The following NBAS variants were observed in gnomAD, a reference collection of about 807,000 sequenced individuals.
NBAS encodes the protein NBAS subunit of NRZ tethering complex.
NBAS carries 219 observed loss-of-function variants against 302.5 expected under a neutral mutation model. The observed-to-expected ratio is 0.72, with a 90% confidence interval of 0.65 to 0.81. The LOEUF (loss-of-function observed/expected upper bound fraction) is 0.81. Among genes scored for constraint, NBAS ranks in the 30% least tolerant of loss-of-function variants. The pLI is 0.00. For missense variants in NBAS, 2,932 were observed against 2,841.6 expected (o/e 1.03, Z -0.72); for synonymous variants, 1,118 against 1,021.6 (o/e 1.09, Z -1.80).
At chr2:14,972,316 G>C in the NBAS span, among the ~76,000 whole-genome samples, 25 of 152,104 alleles carry the variant, frequency 1.6e-4, 1 homozygote, top group South Asian at 3.7e-3. Context: ...GAGGTGAGGG[G>C]AGGGGACTTA....
intron 21 of NBAS, among the ~76,000 whole-genome samples, chr2:15,433,507 T>C (rs1677862084): frequency 6.6e-6 from 1 of 152,196 alleles, no homozygotes; most frequent in Admixed American, 6.6e-5. Flanking sequence ...ATCATATTAA[T>C]AATTATATCA....
At chr2:14,944,672 A>G in the NBAS span, among the ~76,000 whole-genome samples, 86 of 152,250 alleles carry the variant, frequency 5.6e-4, no homozygotes, top group African/African-American at 2.0e-3. Context: ...ATCACCAGCA[A>G]TCTTTCAAAA....
intron 40 of NBAS, among the ~76,000 whole-genome samples, chr2:15,293,233 C>T (rs1388144402): frequency 6.6e-6 from 1 of 152,106 alleles, no homozygotes; most frequent in South Asian, 2.1e-4. Flanking sequence ...CTATAAATGG[C>T]TAGACCCCTG....
At chr2:15,176,555 G>A (rs1664551362) in intron 51 of NBAS, among the ~76,000 whole-genome samples, 1 of 152,142 alleles carries the variant, frequency 6.6e-6, no homozygotes, top group African/African-American at 2.4e-5. Flanking sequence ...CAGCAACCGG[G>A]TCATAATATT....
the NBAS span, among the ~76,000 whole-genome samples, chr2:15,034,021 GAA>G: frequency 0.11 from 5,390 of 47,008 alleles, 341 homozygotes; most frequent in African/African-American, 0.13. Flanking sequence ...AGAAGAAGAA[GAA>G]GAAGAGGAGG....
At position 15,356,381 on chromosome 2, in the gene NBAS, T is replaced by G. The variant is rs776384744; in HGVS notation, c.3853A>C (p.Ile1285Leu). ...NPEERRGQVL[I>L]LLVEQALRFH... ...CGAAGTGCCTGCTCCACTAAAAGGA[T>G]TAGAACCTGTCCCCGCCTTTCTTCT... Residue 1285 changes from isoleucine (I) to leucine (L), a missense_variant, in exon 33 of 52, where the codon ATC becomes CTC. Physicochemically the swap from Ile to Leu is conservative, Grantham distance 5. Coordinates refer to ENST00000281513, the MANE Select transcript of NBAS (RefSeq NM_015909.4). 1.2e-6 allele frequency: 2 copies of G among 1,613,886 alleles called. No individual in the cohort carries two copies. The highest frequency in any genetic ancestry group is 1.7e-6 in the Non-Finnish European group (2 of 1,179,806).
At chr2:15,034,274 AAGAG>A in the NBAS span, among the ~76,000 whole-genome samples, 11,727 of 104,984 alleles carry the variant, frequency 0.11, 1,415 homozygotes, top group African/African-American at 0.13. Flanking sequence ...GAAAGAAAGA[AAGAG>A]AGAAAGAAAG....
chr2:15,176,883 A>G (rs1664567323), intron 51 of NBAS, among the ~76,000 whole-genome samples: 1 of 152,218 alleles, frequency 6.6e-6, no homozygotes, highest in African/African-American at 2.4e-5. Flanking sequence ...CTGAACGTGA[A>G]TTTAAAATTA....
chr2:14,788,221 G>T, the NBAS span, among the ~76,000 whole-genome samples: 4 of 152,106 alleles, frequency 2.6e-5, no homozygotes, highest in Non-Finnish European at 4.4e-5. Flanking sequence ...TTATACATTC[G>T]TCTAAATTTT....
chr2:15,295,883 T>C (rs182376029), intron 40 of NBAS, among the ~76,000 whole-genome samples: 1 of 150,260 alleles, frequency 6.7e-6, no homozygotes, highest in East Asian at 2.0e-4. Context: ...TCCTCACTTA[T>C]AAAAGAATGT....
At chr2:15,310,868 C>T (rs1671241612) in intron 38 of NBAS, among the ~76,000 whole-genome samples, 2 of 152,134 alleles carry the variant, frequency 1.3e-5, no homozygotes. Context: ...TGTGTCTTAC[C>T]AATACCCAGA....
At chr2:14,913,163 T>G in the NBAS span, among the ~76,000 whole-genome samples, 4 of 152,204 alleles carry the variant, frequency 2.6e-5, no homozygotes, top group Admixed American at 2.6e-4. Flanking sequence ...GCCTTCTGTG[T>G]GTCAGGGGCT....
At chr2:15,234,356 C>A (rs1057125661) in intron 46 of NBAS, among the ~76,000 whole-genome samples, 189 bp downstream of exon 46, 4 of 152,158 alleles carry the variant, frequency 2.6e-5, no homozygotes, top group Non-Finnish European at 5.9e-5. Context: ...ATACACAATA[C>A]CAACAATGAA....
At chr2:15,503,767 A>C (rs1661699056) in intron 11 of NBAS, among the ~76,000 whole-genome samples, 1 of 152,194 alleles carries the variant, frequency 6.6e-6, no homozygotes, top group Non-Finnish European at 1.5e-5. Context: ...AATTTTTTTT[A>C]ATATTAAGCC....
At chr2:14,945,383 C>A in the NBAS span, among the ~76,000 whole-genome samples, 43 of 152,216 alleles carry the variant, frequency 2.8e-4, no homozygotes, top group African/African-American at 1.0e-3. Context: ...AGACACAGAC[C>A]TACATCACAG....
At chr2:15,127,595 T>C in the NBAS span, among the ~76,000 whole-genome samples, 3 of 152,236 alleles carry the variant, frequency 2.0e-5, no homozygotes, top group Non-Finnish European at 4.4e-5. Flanking sequence ...TCCTCGATAT[T>C]AAGGCTGTTC....
At chr2:14,982,986 T>C in the NBAS span, among the ~76,000 whole-genome samples, 1 of 151,492 alleles carries the variant, frequency 6.6e-6, no homozygotes, top group African/African-American at 2.4e-5. Flanking sequence ...ACGGGAGGAG[T>C]AGGTCACGGT....
chr2:15,294,282 G>T (rs1392103417), intron 40 of NBAS, among the ~76,000 whole-genome samples: 1 of 152,098 alleles, frequency 6.6e-6, no homozygotes, highest in African/African-American at 2.4e-5. Context: ...AATAACGAGG[G>T]CAGCAAAAAA....
chr2:15,008,588 C>T, the NBAS span, among the ~76,000 whole-genome samples: 3 of 152,156 alleles, frequency 2.0e-5, no homozygotes, highest in Non-Finnish European at 2.9e-5. Context: ...TGGAGAGCCC[C>T]TCATTCCTCA....
Sources: gnomAD v4.1 joint callset for allele counts (sites outside exome capture counted in the v4.1 genomes callset) on GRCh38, gnomAD v4.1.1 for gene constraint, MANE v1.5 for transcripts, NCBI Gene and HGNC (gene_info 2026-07-23, HGNC 2026-07-21) for gene names.